Variants in PDE4D observed in about 807,000 individuals in gnomAD.
The protein encoded by PDE4D is 3',5'-cyclic-AMP phosphodiesterase 4D.
A neutral mutation model predicts 87.4 loss-of-function variants in PDE4D; 24 were observed. That is an observed-to-expected ratio of 0.27 (90% confidence interval 0.20 to 0.39). PDE4D has a LOEUF of 0.39. Ranked by LOEUF, PDE4D falls within the 10% of genes least tolerant of loss-of-function variation. The pLI, the probability that PDE4D is intolerant of heterozygous loss-of-function variation, is 1.00. For missense variants in PDE4D, 714 were observed against 1,041.0 expected, an observed-to-expected ratio of 0.69 and a Z score of 4.32; for synonymous variants, 384 against 383.2, an observed-to-expected ratio of 1.00 and a Z score of -0.02.
intron 1 of PDE4D, among the ~76,000 whole-genome samples, chr5:59,320,372 G>T (rs566535621): frequency 1.3e-5 from 2 of 151,976 alleles, no homozygotes. Context: ...TCTTCGGTCC[G>T]TTAAGATATA....
At chr5:59,677,649 A>G (rs1197567739) in intron 1 of PDE4D, among the ~76,000 whole-genome samples, 18 of 152,234 alleles carry the variant, frequency 1.2e-4, no homozygotes, top group Non-Finnish European at 1.5e-5. Flanking sequence ...CAAACTGACC[A>G]AACACTGACA....
intron 1 of PDE4D, among the ~76,000 whole-genome samples, chr5:60,302,369 A>G (rs947403925): frequency 3.9e-5 from 6 of 151,958 alleles, no homozygotes; most frequent in Non-Finnish European, 8.8e-5. Flanking sequence ...CTGTTCAGGG[A>G]TTCAATTTCT....
At chr5:60,446,992 A>G (rs780958181) in intron 1 of PDE4D, among the ~76,000 whole-genome samples, 32 of 152,162 alleles carry the variant, frequency 2.1e-4, no homozygotes, top group Non-Finnish European at 3.4e-4. Flanking sequence ...CAGGAATGAT[A>G]AAGATTGAAA....
chr5:59,786,194 T>C (rs1251678918), intron 1 of PDE4D, among the ~76,000 whole-genome samples: 1 of 152,236 alleles, frequency 6.6e-6, no homozygotes, highest in Non-Finnish European at 1.5e-5. Context: ...GCACTCCACA[T>C]TTCTGTGGCT....
intron 1 of PDE4D, among the ~76,000 whole-genome samples, chr5:59,872,262 TACACACACAC>T (rs71606610): frequency 0.14 from 18,900 of 131,770 alleles, 1,489 homozygotes; most frequent in Middle Eastern, 0.25. Context: ...ACAGAAGAGT[TACACACACAC>T]ACACACACAC....
At chr5:59,662,819 CT>C (rs1162014823) in intron 1 of PDE4D, among the ~76,000 whole-genome samples, 2 of 152,074 alleles carry the variant, frequency 1.3e-5, no homozygotes, top group Admixed American at 1.3e-4. Context: ...AGAAAGATAA[CT>C]TTTACTTCTG....
intron 1 of PDE4D, among the ~76,000 whole-genome samples, chr5:60,443,199 CT>C (rs1667324259): frequency 6.6e-6 from 1 of 152,038 alleles, no homozygotes; most frequent in African/African-American, 2.4e-5. Context: ...AATTTGGAGA[CT>C]GAGAGAAGAA....
intron 1 of PDE4D, among the ~76,000 whole-genome samples, chr5:59,610,980 G>C (rs896279978): frequency 6.6e-6 from 1 of 152,104 alleles, no homozygotes; most frequent in Admixed American, 6.6e-5. Context: ...CCACAAATCT[G>C]GATGTCCTTA....
chr5:60,269,810 C>A lies in PDE4D; in HGVS notation c.-89-84123G>T, dbSNP rs538544247. ...CATGTATTACAACATCACGTTTATA[C>A]CATCAGTATACACAATATTTATTTG... On this transcript the variant is annotated intron_variant, in intron 1 of 16. Transcript: ENST00000502484. 1.2e-3 allele frequency among the ~76,000 whole-genome samples: 185 copies of A among 152,252 alleles called. 1 individual carries two copies. Among genetic ancestry groups the A allele is most frequent in the African/African-American group, 4.2e-3 (176 of 41,542 alleles).
intron 1 of PDE4D, among the ~76,000 whole-genome samples, chr5:59,623,771 G>A (rs1205873820): frequency 3.9e-5 from 6 of 152,282 alleles, no homozygotes; most frequent in Admixed American, 3.9e-4. Context: ...TACATTTAAG[G>A]AGGGTTCAAT....
At chr5:60,428,110 T>A (rs894808139) in intron 1 of PDE4D, among the ~76,000 whole-genome samples, 3 of 152,054 alleles carry the variant, frequency 2.0e-5, no homozygotes, top group Non-Finnish European at 2.9e-5. Context: ...AGAGGATGAC[T>A]AAATTGAAAT....
intron 1 of PDE4D, among the ~76,000 whole-genome samples, chr5:59,517,107 T>C (rs936804996): frequency 1.3e-5 from 2 of 152,122 alleles, no homozygotes; most frequent in Non-Finnish European, 2.9e-5. Context: ...GAAAAACTAT[T>C]AGCTTTCTTG....
intron 11 of PDE4D, among the ~76,000 whole-genome samples, chr5:58,985,536 T>A (rs958009040): frequency 6.6e-6 from 1 of 152,188 alleles, no homozygotes; most frequent in South Asian, 2.1e-4. Flanking sequence ...GCGCCCCCCA[T>A]GTGCCTTAAG....
intron 3 of PDE4D, among the ~76,000 whole-genome samples, chr5:59,912,547 A>AATT (rs1356076653): frequency 1.3e-5 from 2 of 152,232 alleles, no homozygotes; most frequent in Middle Eastern, 3.2e-3. Context: ...GACTTACGAC[A>AATT]ATTAGATCAG....
chr5:60,148,618 G>C (rs1210552724), intron 2 of PDE4D, among the ~76,000 whole-genome samples: 1 of 152,130 alleles, frequency 6.6e-6, no homozygotes, highest in Non-Finnish European at 1.5e-5. Flanking sequence ...AGAGTCCAAG[G>C]AGTCCCTAAA....
rs545827190 is a variant in PDE4D at position 59,947,491 on chromosome 5, T to G, written c.272+40997A>C. ...TTTTGTGAGGACAAACCAGTCCAAGTAGTCCAGTTAGTCAGACTTCCCAGA... is the reference window on the plus strand; with the variant it reads ...TTTTGTGAGGACAAACCAGTCCAAGGAGTCCAGTTAGTCAGACTTCCCAGA... On this transcript the variant is annotated intron_variant, in intron 3 of 16. Coordinates refer to the PDE4D transcript ENST00000502484. Among the ~76,000 whole-genome samples, 3 of 152,264 alleles carry G rather than the reference T, an allele frequency of 2.0e-5. No homozygotes were observed. The East Asian group carries it at 5.8e-4, about 29-fold the overall frequency.
chr5:59,854,296 C>T (rs568272254), intron 1 of PDE4D, among the ~76,000 whole-genome samples: 110 of 151,468 alleles, frequency 7.3e-4, no homozygotes, highest in African/African-American at 2.6e-3. Flanking sequence ...TTTTACATGC[C>T]CACCTATTAA....
At chr5:60,470,766 T>C (rs1747756201) in intron 1 of PDE4D, among the ~76,000 whole-genome samples, 1 of 152,168 alleles carries the variant, frequency 6.6e-6, no homozygotes, top group South Asian at 2.1e-4. Context: ...AAGCCTTCTG[T>C]TGAGATCTAC....
chr5:59,886,238 C>T (rs1750125634), intron 1 of PDE4D, among the ~76,000 whole-genome samples: 1 of 152,116 alleles, frequency 6.6e-6, no homozygotes, highest in Non-Finnish European at 1.5e-5. Flanking sequence ...TATACGAAAG[C>T]TATGGGAAAG....
Sources: allele counts gnomAD v4.1 joint callset (sites outside exome capture counted in the v4.1 genomes callset), GRCh38; gene constraint gnomAD v4.1.1; transcripts MANE v1.5; gene names NCBI Gene and HGNC (gene_info 2026-07-23, HGNC 2026-07-21).